Variants in ELF1 observed in about 807,000 individuals in gnomAD.
ELF1 encodes E74 like ETS transcription factor 1.
In ELF1, 24 loss-of-function variants were observed where a neutral mutation model predicts 59.9. The observed-to-expected ratio is 0.40, with a 90% confidence interval of 0.29 to 0.56. The LOEUF (loss-of-function observed/expected upper bound fraction) is 0.56. Among genes scored for constraint, ELF1 ranks in the 20% least tolerant of loss-of-function variants. ELF1 has a pLI of 0.44. For missense variants in ELF1, 627 were observed against 742.2 expected (o/e 0.84, Z 1.80); for synonymous variants, 248 against 266.2 (o/e 0.93, Z 0.67).
chr13:40,965,556 G>A lies in ELF1; in HGVS notation c.73-6540C>T, dbSNP rs576903205. Among the ~76,000 whole-genome samples the A allele has an allele frequency of 7.2e-5, 11 of 152,160 alleles. No individual in the cohort carries two copies. In the South Asian group the frequency reaches 2.1e-3, roughly 29 times the overall value. On this transcript the variant is annotated intron_variant, in intron 2 of 8. Transcript: ENST00000239882. ...GAGAAGCTTGAATCTGGTAGGCAGAGGCTGCAATGAGCCCAGATTATGCCA... is the reference window on the plus strand; with the variant it reads ...GAGAAGCTTGAATCTGGTAGGCAGAAGCTGCAATGAGCCCAGATTATGCCA...
intron 1 of ELF1, among the ~76,000 whole-genome samples, chr13:41,049,834 C>T (rs1389306149): frequency 6.6e-6 from 1 of 152,194 alleles, no homozygotes; most frequent in Admixed American, 6.5e-5. Context: ...CAATCCATGT[C>T]CGTCTCTCCC....
chr13:40,952,209 T>C (rs947511707), intron 3 of ELF1, among the ~76,000 whole-genome samples: 2 of 152,214 alleles, frequency 1.3e-5, no homozygotes, highest in South Asian at 2.1e-4. Flanking sequence ...CATGTTTTTC[T>C]ATACCCCCTC....
chr13:41,041,399 C>A (rs1025046046), intron 1 of ELF1, among the ~76,000 whole-genome samples: 1 of 152,066 alleles, frequency 6.6e-6, no homozygotes, highest in Non-Finnish European at 1.5e-5. Flanking sequence ...TCATCCAGAG[C>A]CAGGTGCAGT....
At chr13:41,022,962 G>A (rs1195071359), upstream of ELF1, among the ~76,000 whole-genome samples, 7 of 152,122 alleles carry the variant, frequency 4.6e-5, no homozygotes, top group Admixed American at 4.6e-4. Flanking sequence ...AGGAAGGGAG[G>A]AAGGAAGAAA....
At chr13:41,041,757 C>T (rs1876621171) in intron 1 of ELF1, among the ~76,000 whole-genome samples, 1 of 152,086 alleles carries the variant, frequency 6.6e-6, no homozygotes, top group Admixed American at 6.6e-5. Context: ...TAAAGATGCA[C>T]ACACTCCTGA....
At chr13:40,958,751 C>T (rs979059463) in intron 3 of ELF1, 85 bp downstream of exon 3, 4 of 1,455,810 alleles carry the variant, frequency 2.7e-6, no homozygotes, top group African/African-American at 2.8e-5. Context: ...AAGTTAGGGG[C>T]GTTTTATGCC....
intron 1 of ELF1, among the ~76,000 whole-genome samples, chr13:41,051,574 A>G (rs915794093): frequency 6.6e-6 from 1 of 152,200 alleles, no homozygotes; most frequent in Non-Finnish European, 1.5e-5. Context: ...CTGAAAACGG[A>G]TAAAAAAGTT....
At chr13:40,982,409 G>A (rs1416967470) in intron 1 of ELF1, 127 bp from the exon 2 acceptor site, 4 of 492,608 alleles carry the variant, frequency 8.1e-6, no homozygotes, top group Non-Finnish European at 8.1e-6. Flanking sequence ...AAATCGACAC[G>A]ACTAATGCAC....
At chr13:40,955,969 C>T (rs1364737339) in intron 3 of ELF1, among the ~76,000 whole-genome samples, 3 of 138,440 alleles carry the variant, frequency 2.2e-5, no homozygotes, top group East Asian at 2.1e-4. Context: ...GCCCCCCGCC[C>T]GGCCAGCCGC....
chr13:41,046,610 G>GC (rs577182443), intron 1 of ELF1, among the ~76,000 whole-genome samples: 92 of 152,226 alleles, frequency 6.0e-4, no homozygotes, highest in African/African-American at 1.8e-3. Context: ...TTGAATATCG[G>GC]CCCCCACTCT....
At chr13:41,046,833 C>T (rs904124269) in intron 1 of ELF1, among the ~76,000 whole-genome samples, 1 of 152,138 alleles carries the variant, frequency 6.6e-6, no homozygotes. Flanking sequence ...TGTTGGCCTG[C>T]CTTGCCAGAT....
chr13:41,047,577 G>C (rs1472414822), intron 1 of ELF1, among the ~76,000 whole-genome samples: 1 of 152,224 alleles, frequency 6.6e-6, no homozygotes, highest in East Asian at 1.9e-4. Context: ...ATCAGCAGCA[G>C]AGGCTGCAGA....
At chr13:40,957,149 C>T (rs1385358724) in intron 3 of ELF1, among the ~76,000 whole-genome samples, 1 of 112,612 alleles carries the variant, frequency 8.9e-6, no homozygotes, top group Non-Finnish European at 2.1e-5. Context: ...GGGGTTTGGA[C>T]AGATGACCAT....
chr13:41,010,511 GCA>G (rs200466173), intron 1 of ELF1, among the ~76,000 whole-genome samples: 149 of 132,170 alleles, frequency 1.1e-3, no homozygotes, highest in Admixed American at 1.7e-3. Context: ...GTGTGTGTGT[GCA>G]CACTTTCCTT....
chr13:40,981,648 A>G (rs1873277628), intron 2 of ELF1, among the ~76,000 whole-genome samples: 1 of 152,122 alleles, frequency 6.6e-6, no homozygotes, highest in South Asian at 2.1e-4. Context: ...AATTAACCAC[A>G]TACATTAAAA....
At chr13:41,052,600 C>T (rs1877129884) in intron 1 of ELF1, among the ~76,000 whole-genome samples, 1 of 152,084 alleles carries the variant, frequency 6.6e-6, no homozygotes, top group African/African-American at 2.4e-5. Flanking sequence ...CCTGTAATCC[C>T]AGCACTTTAG....
intron 2 of ELF1, among the ~76,000 whole-genome samples, chr13:40,965,837 G>A (rs569821051): frequency 4.6e-5 from 7 of 151,932 alleles, no homozygotes; most frequent in Middle Eastern, 3.4e-3. Context: ...ATCAATTTTC[G>A]CTGTACAGTG....
chr13:40,943,122 C>T lies in ELF1; in HGVS notation c.636G>A (p.Glu212=). 1.3e-6 allele frequency: 2 copies of T among 1,528,600 alleles called. No homozygotes were observed. The highest frequency in any genetic ancestry group is 8.8e-7 in the Non-Finnish European group (1 of 1,131,978). The allele number at this position is 1,528,600 out of a possible 1,614,324, so 94.7% of individuals were successfully genotyped here. Residue 212 remains glutamate, a synonymous_variant, in exon 7 of 9, where the codon GAG becomes GAA. Coordinates refer to ENST00000239882, the MANE Select transcript of ELF1 (RefSeq NM_172373.4). ...TGTCCTGGAGCAGTGCCAGTAAAAA[C>T]TCCCAAAGATAAATTGTGTTTCCTG... The part of the protein sequence containing the change: ...DGKGNTIYLW[E]FLLALLQDKA...
intron 1 of ELF1, among the ~76,000 whole-genome samples, chr13:41,003,604 G>A: frequency 6.6e-6 from 1 of 151,960 alleles, no homozygotes; most frequent in East Asian, 1.9e-4. Context: ...CAATCACTGA[G>A]GCACAAAAAA....
Sources: allele counts gnomAD v4.1 joint callset (sites outside exome capture counted in the v4.1 genomes callset), GRCh38; gene constraint gnomAD v4.1.1; transcripts MANE v1.5; gene names NCBI Gene and HGNC (gene_info 2026-07-23, HGNC 2026-07-21).